IQGAP2: variants seen among roughly 807,000 people sequenced by gnomAD.
IQGAP2 encodes IQ motif containing GTPase activating protein 2.
In IQGAP2, 173 loss-of-function variants were observed where a neutral mutation model predicts 201.3. The ratio of observed to expected loss-of-function variants is 0.86; its 90% CI spans 0.76 to 0.98. The LOEUF (loss-of-function observed/expected upper bound fraction) is 0.98, where lower values mean the gene tolerates loss of function less well. Ranked by LOEUF, IQGAP2 falls within the 50% of genes least tolerant of loss-of-function variation. The pLI, the probability that IQGAP2 is intolerant of heterozygous loss-of-function variation, is 0.00. For missense variants in IQGAP2, 1,687 were observed against 1,864.8 expected (o/e 0.90, Z 1.76); for synonymous variants, 675 against 673.9 (o/e 1.00, Z -0.03).
Position 76,698,158 on chromosome 5 carries a change from A to T in IQGAP2, c.4367+11A>T. On this transcript the variant is annotated intron_variant, in intron 33 of 35. Transcript: ENST00000274364. The stretch of plus-strand genomic sequence containing the variant: ...CAACTTAAAAAGAAAGTAAGTTAAA[A>T]TCATGTCATGTTCATTTGTAATGTC... The T allele has an allele frequency of 6.5e-7, 1 of 1,545,472 alleles. No individual in the cohort carries two copies. The highest frequency in any genetic ancestry group is 8.9e-7 in the Non-Finnish European group (1 of 1,124,696).
intron 10 of IQGAP2, among the ~76,000 whole-genome samples, chr5:76,599,354 G>A (rs1185925638): frequency 1.3e-5 from 2 of 152,090 alleles, no homozygotes; most frequent in East Asian, 3.8e-4. Context: ...CTCTGGCTCT[G>A]AAGCTCAAGG....
intron 17 of IQGAP2, among the ~76,000 whole-genome samples, chr5:76,650,093 TG>T (rs1752398258): frequency 6.6e-6 from 1 of 152,236 alleles, no homozygotes; most frequent in South Asian, 2.1e-4. Flanking sequence ...AAAACCATTC[TG>T]CCCTCCTAGG....
intron 24 of IQGAP2, 118 bp downstream of exon 24, chr5:76,672,101 A>C: frequency 4.2e-6 from 3 of 715,430 alleles, no homozygotes; most frequent in Non-Finnish European, 7.1e-6. Flanking sequence ...TATCAATCCA[A>C]AATGTTACCT....
intron 20 of IQGAP2, among the ~76,000 whole-genome samples, chr5:76,655,325 C>T (rs1752827754): frequency 6.6e-6 from 1 of 152,038 alleles, no homozygotes; most frequent in Non-Finnish European, 1.5e-5. Context: ...AAGAGTTAGC[C>T]AGAAAATAAC....
intron 13 of IQGAP2, among the ~76,000 whole-genome samples, chr5:76,614,817 T>C (rs907306848): frequency 2.6e-5 from 4 of 152,154 alleles, no homozygotes; most frequent in African/African-American, 9.7e-5. Context: ...GTGCCTTGTC[T>C]TCCCAAGGTC....
rs550488417 is a variant in IQGAP2 at position 76,462,954 on chromosome 5, G to A, written c.146+1285G>A. Among the ~76,000 whole-genome samples, 37 of 151,482 alleles carry A rather than the reference G, an allele frequency of 2.4e-4. 3 individuals are homozygous for A. In the South Asian group the frequency reaches 4.0e-3, roughly 16 times the overall value. ...AAAACATGCTTTTAGTCAAGTTGTCGCAAAAAAGTTAGATAAGGAGATTGA... is the reference window on the plus strand; with the variant it reads ...AAAACATGCTTTTAGTCAAGTTGTCACAAAAAAGTTAGATAAGGAGATTGA... On this transcript the variant is annotated intron_variant, in intron 2 of 35. Transcript: ENST00000274364.
chr5:76,617,446 A>C (rs1749089285), intron 13 of IQGAP2: 1 of 663,804 alleles, frequency 1.5e-6, no homozygotes, highest in African/African-American at 1.8e-5. Flanking sequence ...ACAAACTACT[A>C]ATGCTTTTGT....
intron 15 of IQGAP2, among the ~76,000 whole-genome samples, chr5:76,633,274 G>A (rs1750853258): frequency 6.6e-6 from 1 of 152,142 alleles, no homozygotes; most frequent in East Asian, 1.9e-4. Flanking sequence ...TGTCAGCTGA[G>A]ATCATATTGA....
At chr5:76,641,230 C>A in intron 17 of IQGAP2, 127 bp downstream of exon 17, 1 of 652,044 alleles carries the variant, frequency 1.5e-6, no homozygotes, top group Non-Finnish European at 2.5e-6. Flanking sequence ...TTTACATAAT[C>A]AGTGCCCCTA....
chr5:76,432,128 C>CTTT (rs70982606), intron 1 of IQGAP2, among the ~76,000 whole-genome samples: 3,516 of 95,190 alleles, frequency 0.037, 316 homozygotes, highest in African/African-American at 0.087. Flanking sequence ...TTTCTTTCTT[C>CTTT]TTTTTTTTTT....
chr5:76,506,582 C>A (rs1209851830), intron 2 of IQGAP2, among the ~76,000 whole-genome samples: 1 of 152,200 alleles, frequency 6.6e-6, no homozygotes, highest in Non-Finnish European at 1.5e-5. Flanking sequence ...ATTAGAGCAT[C>A]TACTTTTCTA....
At chr5:76,550,554 T>A (rs1311004954) in intron 2 of IQGAP2, among the ~76,000 whole-genome samples, 1 of 152,116 alleles carries the variant, frequency 6.6e-6, no homozygotes, top group Non-Finnish European at 1.5e-5. Context: ...TGGTGATGAC[T>A]CTTAAGGAGC....
intron 1 of IQGAP2, among the ~76,000 whole-genome samples, chr5:76,427,695 C>T (rs549507596): frequency 3.2e-4 from 49 of 152,264 alleles, no homozygotes; most frequent in Admixed American, 5.2e-4. Context: ...GGCTGGGCCC[C>T]GAGACTGCAT....
At chr5:76,504,441 T>A (rs764443499) in intron 2 of IQGAP2, among the ~76,000 whole-genome samples, 11 of 152,210 alleles carry the variant, frequency 7.2e-5, no homozygotes, top group Non-Finnish European at 1.2e-4. Flanking sequence ...TGTTACTCTG[T>A]ATAACCAACA....
At chr5:76,479,116 C>T (rs1173131945) in intron 2 of IQGAP2, among the ~76,000 whole-genome samples, 1 of 152,128 alleles carries the variant, frequency 6.6e-6, no homozygotes, top group Non-Finnish European at 1.5e-5. Flanking sequence ...ATCGTTCTCT[C>T]CTCAGTTATG....
intron 2 of IQGAP2, among the ~76,000 whole-genome samples, chr5:76,554,310 G>A (rs1743762370): frequency 1.3e-5 from 2 of 152,164 alleles, no homozygotes; most frequent in South Asian, 2.1e-4. Flanking sequence ...AGAAGAAATA[G>A]ATAAATGAGA....
intron 9 of IQGAP2, among the ~76,000 whole-genome samples, chr5:76,595,667 C>T (rs954753439): frequency 1.3e-5 from 2 of 151,426 alleles, no homozygotes; most frequent in Non-Finnish European, 2.9e-5. Flanking sequence ...AGACTGAGGT[C>T]GGAGGATCTC....
chr5:76,598,179 C>T (rs776050670), intron 10 of IQGAP2, among the ~76,000 whole-genome samples: 58 of 152,208 alleles, frequency 3.8e-4, no homozygotes, highest in African/African-American at 7.2e-4. Context: ...TAACAAGGCT[C>T]GTATTTCAAG....
Position 76,588,972 on chromosome 5 carries a change from A to G in IQGAP2, c.525A>G (p.Thr175=). The change falls in exon 6 of 36, where the codon ACA becomes ACG. Residue 175 remains threonine (T), a splice_region_variant and synonymous_variant. Transcript: ENST00000274364. Reference sequence around the variant, plus strand: ...ATTTGTTGGGCAAAGTAGACTTCACAGGTACTACTCTTTATCTTTGTAATT... The same window carrying G: ...ATTTGTTGGGCAAAGTAGACTTCACGGGTACTACTCTTTATCTTTGTAATT... ...IQDLLGKVDF[T]EEEISNMRKE... 1.3e-6 allele frequency: 2 copies of G among 1,590,764 alleles called. No homozygotes were observed. Among genetic ancestry groups the G allele is most frequent in the Non-Finnish European group, 1.7e-6 (2 of 1,159,548 alleles).
Sources: gnomAD v4.1 joint callset for allele counts (sites outside exome capture counted in the v4.1 genomes callset) on GRCh38, gnomAD v4.1.1 for gene constraint, MANE v1.5 for transcripts, NCBI Gene and HGNC (gene_info 2026-07-23, HGNC 2026-07-21) for gene names.